Variants in MTM1 observed in about 807,000 individuals in gnomAD.
MTM1 encodes the protein myotubularin.
MTM1 carries 9 observed loss-of-function variants against 52.1 expected under a neutral mutation model. The ratio of observed to expected loss-of-function variants is 0.17; its 90% CI spans 0.10 to 0.30. MTM1 has a LOEUF of 0.30. Among genes scored for constraint, MTM1 ranks in the 10% least tolerant of loss-of-function variants. The pLI, the probability that MTM1 is intolerant of heterozygous loss-of-function variation, is 1.00. For synonymous variants in MTM1, 136 were observed against 163.8 expected, an observed-to-expected ratio of 0.83 and a Z score of 1.29; for missense variants, 277 against 470.7, an observed-to-expected ratio of 0.59 and a Z score of 3.81.
Position 150,573,153 on chromosome X carries a change from C to T in MTM1, c.-11+4491C>T, listed in dbSNP as rs782490673. On this transcript the variant is annotated intron_variant, in intron 1 of 14. Transcript: ENST00000370396. Reference sequence around the variant, plus strand: ...GGAGGCCAGCTTAGAATTGTTCACACATGATCATTGTAACCAATTCTGTTG... The same window carrying T: ...GGAGGCCAGCTTAGAATTGTTCACATATGATCATTGTAACCAATTCTGTTG... Among the ~76,000 whole-genome samples the T allele has an allele frequency of 7.1e-5, 8 of 112,787 alleles. No individual in the cohort carries two copies. The East Asian group carries it at 2.2e-3, about 31-fold the overall frequency.
rs782173387 is a variant in MTM1 at position 150,630,031 on chromosome X, GC to G, written c.445-8910del. Among the ~76,000 whole-genome samples, 4 of 112,122 alleles carry G rather than the reference GC, an allele frequency of 3.6e-5. No individual in the cohort carries two copies. In the South Asian group the frequency reaches 1.5e-3, roughly 42 times the overall value. Reference sequence around the variant, plus strand: ...CCATGTACTACCTTAATTCCTCATTGCCATATATGGTAACGTAACACAGGTT... The same window carrying G: ...CCATGTACTACCTTAATTCCTCATTGCATATATGGTAACGTAACACAGGTT... On this transcript the variant is annotated intron_variant, in intron 6 of 14. Transcript: ENST00000370396.
chrX:150,671,821 T>C lies in MTM1; in HGVS notation c.*226T>C, dbSNP rs1014104444. On this transcript the variant is annotated 3_prime_UTR_variant, in exon 15 of 15. Transcript: ENST00000370396. The stretch of plus-strand genomic sequence containing the variant: ...GCTGAGATGAGGTTTTGGAAAACCC[T>C]GACACCTTTAAAAAGCAGTTTTTGA... 9.7e-5 allele frequency: 42 copies of C among 432,632 alleles called. No individual in the cohort carries two copies. The Admixed American group carries it at 1.8e-3, about 18-fold the overall frequency. 35.7% of individuals were successfully genotyped at this position (432,632 alleles called of 1,213,427 possible).
chrX:150,665,946 C>T (rs2040298010), intron 14 of MTM1, among the ~76,000 whole-genome samples: 1 of 112,296 alleles, frequency 8.9e-6, no homozygotes, highest in African/African-American at 3.2e-5. Context: ...AGCTGTTAAT[C>T]AGGGTTACAC....
chrX:150,576,756 T>C (rs1366439470), intron 1 of MTM1, among the ~76,000 whole-genome samples: 1 of 112,008 alleles, frequency 8.9e-6, no homozygotes, highest in African/African-American at 3.2e-5. Context: ...ACATATTTCA[T>C]ACACTATTCA....
chrX:150,663,000 A>C, intron 13 of MTM1, among the ~76,000 whole-genome samples: 1 of 112,405 alleles, frequency 8.9e-6, no homozygotes, highest in Non-Finnish European at 1.9e-5. Flanking sequence ...CCAGATGCCT[A>C]CTGTCAAGTA....
At chrX:150,637,391 C>A (rs1259817235) in intron 6 of MTM1, among the ~76,000 whole-genome samples, 1 of 111,038 alleles carries the variant, frequency 9.0e-6, no homozygotes, top group Non-Finnish European at 1.9e-5. Context: ...TGTACAGGGG[C>A]TGTGTGGGCC....
chrX:150,665,116 C>T (rs188991736), intron 14 of MTM1, among the ~76,000 whole-genome samples: 5 of 111,634 alleles, frequency 4.5e-5, no homozygotes, highest in Non-Finnish European at 7.5e-5. Context: ...GTTTTTACTT[C>T]GAGACAGGAA....
At position 150,671,437 on chromosome X, in the gene MTM1, C is replaced by T. The variant is rs1569565554; in HGVS notation, c.1654C>T (p.Pro552Ser). The T allele has an allele frequency of 3.3e-6, 4 of 1,211,337 alleles. No individual in the cohort carries two copies. The highest frequency in any genetic ancestry group is 4.5e-6 in the Non-Finnish European group (4 of 895,411). The stretch of plus-strand genomic sequence containing the variant: ...CTCTGGTTCTCTCCAGCAGCCGAAT[C>T]CAGTGGAGCAGCGTTACATGGAGCT... ...NPRIKQQQPN[P>S]VEQRYMELLA... The change falls in exon 15 of 15, where the codon CCA becomes TCA. Residue 552 changes from proline to serine, a missense_variant. Physicochemically the swap from Pro to Ser is moderately conservative, Grantham distance 74. Coordinates refer to ENST00000370396, the MANE Select transcript of MTM1 (RefSeq NM_000252.3).
rs1164449389 is a variant in MTM1 at position 150,583,384 on chromosome X, A to T, written c.-10-9221A>T. Among the ~76,000 whole-genome samples, 3 of 12,246 alleles carry T rather than the reference A, an allele frequency of 2.4e-4. 1 individual carries two copies. The African/African-American group carries it at 2.8e-3, about 11-fold the overall frequency. The allele number at this position is 12,246 out of a possible 115,157, so 10.6% of individuals were successfully genotyped here. A position where few individuals can be genotyped will look rare whatever the true frequency, so the allele number is the denominator to read the frequency against. On this transcript the variant is annotated intron_variant, in intron 1 of 14. Transcript: ENST00000370396. Reference sequence around the variant, plus strand: ...ATATAAATTATATATATTATATATAATATAATATATATAAATTATATATAT... The same window carrying T: ...ATATAAATTATATATATTATATATATTATAATATATATAAATTATATATAT...
At chrX:150,619,769 GTCC>G (rs1313533813) in intron 6 of MTM1, among the ~76,000 whole-genome samples, 2 of 111,385 alleles carry the variant, frequency 1.8e-5, no homozygotes, top group Non-Finnish European at 3.8e-5. Flanking sequence ...TCTAACCCCA[GTCC>G]TCCTCCTCAG....
chrX:150,651,567 T>A (rs2040022490), intron 10 of MTM1, among the ~76,000 whole-genome samples: 1 of 109,338 alleles, frequency 9.1e-6, no homozygotes. Flanking sequence ...AAAAATAAGA[T>A]TTGATTGGGA....
intron 10 of MTM1, among the ~76,000 whole-genome samples, chrX:150,657,433 T>A (rs781923928): frequency 2.4e-3 from 231 of 94,886 alleles, no homozygotes; most frequent in South Asian, 0.015. Context: ...ATGAGAACAT[T>A]TGGACACAGG....
At chrX:150,623,173 A>T (rs1050353662) in intron 6 of MTM1, among the ~76,000 whole-genome samples, 15 of 110,871 alleles carry the variant, frequency 1.4e-4, no homozygotes, top group African/African-American at 4.6e-4. Context: ...GGGAGTGAAG[A>T]TAGGAAAGGA....
At chrX:150,659,250 A>C (rs1326410043) in intron 11 of MTM1, among the ~76,000 whole-genome samples, 4 of 112,039 alleles carry the variant, frequency 3.6e-5, no homozygotes, top group Non-Finnish European at 5.6e-5. Context: ...TAATCATCAT[A>C]CCTTTTGGAC....
chrX:150,594,107 G>T (rs1283033880), intron 2 of MTM1, among the ~76,000 whole-genome samples: 1 of 108,740 alleles, frequency 9.2e-6, no homozygotes, highest in Non-Finnish European at 1.9e-5. Flanking sequence ...ATATGTGTAT[G>T]TGTGTGTATA....
At chrX:150,647,781 A>G (rs1557414056) in intron 9 of MTM1, among the ~76,000 whole-genome samples, 1 of 112,048 alleles carries the variant, frequency 8.9e-6, no homozygotes, top group East Asian at 2.8e-4. Context: ...TGCAACAAGC[A>G]ACGGCACATC....
At chrX:150,627,004 A>G (rs1264011116) in intron 6 of MTM1, among the ~76,000 whole-genome samples, 1 of 111,132 alleles carries the variant, frequency 9.0e-6, no homozygotes, top group African/African-American at 3.3e-5. Context: ...CAGCCTTGAA[A>G]TGTGCTTGGT....
At chrX:150,636,856 T>A (rs1297603803) in intron 6 of MTM1, among the ~76,000 whole-genome samples, 1 of 112,480 alleles carries the variant, frequency 8.9e-6, no homozygotes, top group Non-Finnish European at 1.9e-5. Context: ...GCATGTCCCA[T>A]ATATTCTGTT....
intron 1 of MTM1, among the ~76,000 whole-genome samples, chrX:150,587,081 G>A (rs1557412296): frequency 1.8e-5 from 2 of 110,753 alleles, no homozygotes. Context: ...CAGTAATTAA[G>A]TGAGAGAATT....
Sources: gnomAD v4.1 joint callset for allele counts (sites outside exome capture counted in the v4.1 genomes callset) on GRCh38, gnomAD v4.1.1 for gene constraint, MANE v1.5 for transcripts, NCBI Gene and HGNC (gene_info 2026-07-23, HGNC 2026-07-21) for gene names.